The following SOX5 variants were observed in gnomAD, a reference collection of about 807,000 sequenced individuals.
The protein encoded by SOX5 is SRY-box transcription factor 5, also known as transcription factor SOX-5.
In SOX5, 9 loss-of-function variants were observed where a neutral mutation model predicts 92.0. The observed-to-expected ratio is 0.10, with a 90% CI of 0.06 to 0.17. The LOEUF (loss-of-function observed/expected upper bound fraction) is 0.17. Ranked by LOEUF, SOX5 falls within the 10% of genes least tolerant of loss-of-function variation. The pLI, the probability that SOX5 is intolerant of heterozygous loss-of-function variation, is 1.00. For missense variants in SOX5, 642 were observed against 944.5 expected (o/e 0.68, Z 4.20); for synonymous variants, 344 against 336.3 (o/e 1.02, Z -0.25).
chr12:23,807,799 C>T (rs556455284), intron 3 of SOX5, among the ~76,000 whole-genome samples: 67 of 152,086 alleles, frequency 4.4e-4, no homozygotes, highest in African/African-American at 1.4e-3. Flanking sequence ...AGGTGCCCAC[C>T]ACCATGCCCG....
chr12:24,457,587 G>C (rs1395686998), intron 1 of SOX5, among the ~76,000 whole-genome samples: 1 of 152,094 alleles, frequency 6.6e-6, no homozygotes, highest in Non-Finnish European at 1.5e-5. Flanking sequence ...TCTAGTATTT[G>C]TAGTTTTATG....
At chr12:24,081,336 TAG>T (rs1166875208) in intron 4 of SOX5, among the ~76,000 whole-genome samples, 3 of 152,030 alleles carry the variant, frequency 2.0e-5, no homozygotes, top group Non-Finnish European at 2.9e-5. Context: ...TAATTAAATG[TAG>T]AATTAATTTT....
At chr12:23,648,000 C>G (rs1400292843) in intron 7 of SOX5, among the ~76,000 whole-genome samples, 1 of 152,142 alleles carries the variant, frequency 6.6e-6, no homozygotes, top group Non-Finnish European at 1.5e-5. Flanking sequence ...TTAGCCTGCC[C>G]CATCTTTTGA....
intron 4 of SOX5, among the ~76,000 whole-genome samples, chr12:24,170,446 A>G (rs1360449903): frequency 1.3e-5 from 2 of 152,150 alleles, no homozygotes; most frequent in African/African-American, 4.8e-5. Flanking sequence ...TCTTCTCGAT[A>G]AGGAAAACCT....
chr12:23,949,059 A>G (rs1415613235), intron 1 of SOX5, among the ~76,000 whole-genome samples: 2 of 151,950 alleles, frequency 1.3e-5, no homozygotes, highest in African/African-American at 2.4e-5. Flanking sequence ...TATATCAACA[A>G]AAGGTCATGT....
chr12:24,374,499 CCACACACA>C (rs557572537), intron 1 of SOX5, among the ~76,000 whole-genome samples: 1 of 145,460 alleles, frequency 6.9e-6, no homozygotes, highest in Non-Finnish European at 1.5e-5. Context: ...CTCCAGACCA[CCACACACA>C]CACACACATA....
At chr12:24,486,551 T>TC (rs1442391244) in intron 1 of SOX5, among the ~76,000 whole-genome samples, 2 of 152,174 alleles carry the variant, frequency 1.3e-5, no homozygotes, top group African/African-American at 2.4e-5. Flanking sequence ...AGGTACCTTG[T>TC]CCCCTCTGGC....
chr12:24,544,311 AC>A (rs1388359620), intron 1 of SOX5, among the ~76,000 whole-genome samples: 39 of 152,234 alleles, frequency 2.6e-4, no homozygotes, highest in Admixed American at 2.5e-3. Flanking sequence ...AACTTATTAT[AC>A]ATATGGAAGG....
At chr12:24,513,429 A>C (rs1949504882) in intron 1 of SOX5, among the ~76,000 whole-genome samples, 1 of 152,218 alleles carries the variant, frequency 6.6e-6, no homozygotes, top group Non-Finnish European at 1.5e-5. Context: ...TGGCTTCCCA[A>C]ATGAAACTTC....
At chr12:24,382,441 G>T (rs974798624) in intron 1 of SOX5, among the ~76,000 whole-genome samples, 18 of 151,940 alleles carry the variant, frequency 1.2e-4, no homozygotes, top group African/African-American at 4.4e-4. Flanking sequence ...AGGAAAGGGG[G>T]TATGGAGGAA....
chr12:24,261,646 AT>A (rs1565777486), intron 3 of SOX5, among the ~76,000 whole-genome samples: 1 of 152,222 alleles, frequency 6.6e-6, no homozygotes. Context: ...GTGGAATTTA[AT>A]GACCTGAAAT....
intron 2 of SOX5, among the ~76,000 whole-genome samples, chr12:24,355,304 T>A (rs1954690129): frequency 1.5e-5 from 1 of 66,580 alleles, no homozygotes; most frequent in African/African-American, 4.0e-5. Flanking sequence ...TTTTTTTTTT[T>A]TTTTTTTTTT....
intron 6 of SOX5, among the ~76,000 whole-genome samples, chr12:23,709,065 AC>A (rs1455583080): frequency 6.6e-6 from 1 of 150,618 alleles, no homozygotes; most frequent in Non-Finnish European, 1.5e-5. Context: ...AAGGTTAGGG[AC>A]AAACAAAATG....
chr12:24,376,144 C>T (rs185159751), intron 1 of SOX5, among the ~76,000 whole-genome samples: 1 of 152,340 alleles, frequency 6.6e-6, no homozygotes, highest in Non-Finnish European at 1.5e-5. Flanking sequence ...ATCTGAGATA[C>T]TATGGCAACT....
chr12:23,838,644 A>G (rs1359274474), intron 3 of SOX5, among the ~76,000 whole-genome samples: 2 of 151,966 alleles, frequency 1.3e-5, no homozygotes, highest in Non-Finnish European at 2.9e-5. Context: ...CTTTTAATAT[A>G]TTTGTAGAGA....
In SOX5 at chr12:23,923,241, A is replaced by C. The variant is rs1424102987; in HGVS notation, c.38+26323T>G. Among the ~76,000 whole-genome samples, 4 of 151,990 alleles carry C rather than the reference A, an allele frequency of 2.6e-5. No homozygotes were observed. The South Asian group carries it at 6.2e-4, about 24-fold the overall frequency. On this transcript the variant is annotated intron_variant, in intron 1 of 14. Coordinates refer to ENST00000451604, the MANE Select transcript of SOX5 (RefSeq NM_006940.6). ...GCAGAGATTACAGGCGTGAGCCTCC[A>C]TGCCCGGCCAAGGGAAGCTTCTTAA... is the stretch of plus-strand genomic sequence containing the variant.
intron 4 of SOX5, among the ~76,000 whole-genome samples, chr12:23,971,676 A>C (rs940455579): frequency 3.3e-5 from 5 of 152,008 alleles, no homozygotes; most frequent in Non-Finnish European, 7.4e-5. Context: ...ATTATTTTGA[A>C]GAGAATAATT....
Position 23,949,510 on chromosome 12 carries a change from T to G in SOX5, c.38+54A>C, listed in dbSNP as rs545273050. On this transcript the variant is annotated intron_variant, in intron 1 of 14. Coordinates refer to ENST00000451604, the MANE Select transcript of SOX5 (RefSeq NM_006940.6). ...CATCTTCCAATGATTCAGAGACTAC[T>G]GTAAAATGGGAGAGTTGTACTTCAA... is the stretch of plus-strand genomic sequence containing the variant. 3 of 1,605,868 alleles carry G rather than the reference T, an allele frequency of 1.9e-6. No homozygotes were observed. The African/African-American group carries it at 4.0e-5, about 21-fold the overall frequency.
chr12:24,428,726 CAAAAAAAAAAAAAAAAAAAAAA>C (rs57964050), intron 1 of SOX5, among the ~76,000 whole-genome samples: 1 of 32,590 alleles, frequency 3.1e-5, no homozygotes, highest in African/African-American at 1.3e-4. Flanking sequence ...CTCTGTTTCT[CAAAAAAAAAAAAAAAAAAAAAA>C]AAAAAAAAAA....
Sources: allele counts gnomAD v4.1 joint callset (sites outside exome capture counted in the v4.1 genomes callset), GRCh38; gene constraint gnomAD v4.1.1; transcripts MANE v1.5; gene names NCBI Gene and HGNC (gene_info 2026-07-23, HGNC 2026-07-21).